PIGN: variants seen among roughly 807,000 people sequenced by gnomAD.
The protein encoded by PIGN is GPI ethanolamine phosphate transferase 1.
A neutral mutation model predicts 125.4 loss-of-function variants in PIGN; 117 were observed. The observed-to-expected ratio is 0.93, with a 90% CI of 0.80 to 1.09. PIGN has a LOEUF of 1.09. Ranked by LOEUF, PIGN falls within the 50% of genes least tolerant of loss-of-function variation. The pLI is 0.00. For synonymous variants in PIGN, 392 were observed against 377.8 expected, an observed-to-expected ratio of 1.04 and a Z score of -0.44; for missense variants, 1,075 against 1,094.9, an observed-to-expected ratio of 0.98 and a Z score of 0.26.
intron 20 of PIGN, among the ~76,000 whole-genome samples, chr18:62,103,258 T>A (rs1015016631): frequency 6.6e-6 from 1 of 152,170 alleles, no homozygotes; most frequent in African/African-American, 2.4e-5. Flanking sequence ...AAATTTACAA[T>A]ATAAAAGATA....
At chr18:62,184,129 A>G (rs1268066675) in intron 1 of PIGN, among the ~76,000 whole-genome samples, 1 of 152,200 alleles carries the variant, frequency 6.6e-6, no homozygotes, top group East Asian at 1.9e-4. Flanking sequence ...TTTACCACAC[A>G]CTGAAAAACA....
chr18:62,156,247 T>C (rs1294741024), intron 6 of PIGN, among the ~76,000 whole-genome samples: 1 of 152,224 alleles, frequency 6.6e-6, no homozygotes, highest in Non-Finnish European at 1.5e-5. Flanking sequence ...ATAAATTATA[T>C]GTTAAATGCC....
intron 14 of PIGN, among the ~76,000 whole-genome samples, chr18:62,134,141 T>C (rs1310336886): frequency 1.3e-5 from 2 of 151,942 alleles, no homozygotes; most frequent in Non-Finnish European, 2.9e-5. Context: ...ATGCCTGTAA[T>C]CCCAGCACTT....
At chr18:62,095,998 A>C (rs780534804) in intron 22 of PIGN, 48 bp from the exon 23 acceptor site, 16 of 1,302,886 alleles carry the variant, frequency 1.2e-5, no homozygotes, top group Middle Eastern at 3.7e-4. Flanking sequence ...AGACACAAAA[A>C]AAATGTTAGC....
In PIGN at chr18:62,167,286, ATGTGTGTGTGTGTGTG is replaced by A. The variant is rs61310777; in HGVS notation, c.-235-3646_-235-3631del. Among the ~76,000 whole-genome samples, 693 of 139,442 alleles carry A rather than the reference ATGTGTGTGTGTGTGTG, an allele frequency of 5.0e-3. 8 individuals carry two copies. Among genetic ancestry groups the A allele is most frequent in the African/African-American group, 0.017 (620 of 36,384 alleles). The allele number at this position is 139,442 out of a possible 152,430, so 91.5% of individuals were successfully genotyped here. ...TAGATAGAGATATATAGAGATATAT[ATGTGTGTGTGTGTGTG>A]TGTGTGTGTGTGTGTGTGTGTGTGT... On this transcript the variant is annotated intron_variant, in intron 1 of 30. Transcript: ENST00000640252.
intron 9 of PIGN, among the ~76,000 whole-genome samples, 185 bp from the exon 10 acceptor site, chr18:62,146,210 A>C (rs1377774410): frequency 6.6e-6 from 1 of 152,238 alleles, no homozygotes; most frequent in Non-Finnish European, 1.5e-5. Flanking sequence ...AGCAAGTTAG[A>C]GAAACAACAA....
At chr18:62,169,997 A>G (rs1241047894) in intron 1 of PIGN, among the ~76,000 whole-genome samples, 3 of 152,184 alleles carry the variant, frequency 2.0e-5, no homozygotes, top group African/African-American at 7.2e-5. Context: ...TCCCACCAGC[A>G]ATATATGAGA....
intron 8 of PIGN, among the ~76,000 whole-genome samples, chr18:62,147,403 C>T (rs1377828118): frequency 6.6e-6 from 1 of 152,176 alleles, no homozygotes; most frequent in African/African-American, 2.4e-5. Context: ...CTCACTCTTA[C>T]TACATAAACT....
intron 20 of PIGN, among the ~76,000 whole-genome samples, chr18:62,104,305 C>G (rs1278394344): frequency 6.6e-6 from 1 of 152,136 alleles, no homozygotes; most frequent in African/African-American, 2.4e-5. Flanking sequence ...CAATTTCCTT[C>G]CCTTTTAGCA....
At position 62,090,616 on chromosome 18, in the gene PIGN, A is replaced by G. The variant is rs189259151; in HGVS notation, c.2181-38T>C. ...GAAAGGTAGAAATGAAAAGAAAAAA[A>G]CAGTAAAATAAGTAAAAATGCAAAT... On this transcript the variant is annotated intron_variant, in intron 23 of 30. Transcript: ENST00000640252. The G allele has an allele frequency of 3.2e-4, 400 of 1,242,218 alleles. 1 individual carries two copies. The African/African-American group carries it at 5.1e-3, about 16-fold the overall frequency. 76.9% of individuals were successfully genotyped at this position (1,242,218 alleles called of 1,614,324 possible).
chr18:62,090,721 T>C (rs1436714414), intron 23 of PIGN, 143 bp from the exon 24 acceptor site: 6 of 545,344 alleles, frequency 1.1e-5, no homozygotes, highest in African/African-American at 9.7e-5. Flanking sequence ...AAGAAGAAAG[T>C]AGGAAAGTAA....
At chr18:62,031,352 A>G (rs2030190882) in intron 23 of PIGN, among the ~76,000 whole-genome samples, 1 of 152,212 alleles carries the variant, frequency 6.6e-6, no homozygotes, top group Admixed American at 6.5e-5. Context: ...GCAGCATGAG[A>G]ACAGACTAAT....
At chr18:62,089,025 T>C (rs1849516540) in intron 24 of PIGN, among the ~76,000 whole-genome samples, 183 bp from the exon 25 acceptor site, 1 of 152,120 alleles carries the variant, frequency 6.6e-6, no homozygotes, top group Non-Finnish European at 1.5e-5. Context: ...TAATAAAATG[T>C]GCCAAAAGGT....
rs1337126535 is a variant in PIGN at position 62,147,589 on chromosome 18, G to C, written c.675-488C>G. Among the ~76,000 whole-genome samples, 5 of 152,168 alleles carry C rather than the reference G, an allele frequency of 3.3e-5. No homozygotes were observed. In the South Asian group the frequency reaches 1.0e-3, roughly 31 times the overall value. ...TCCATCAATTACAGCAGTGCATCAC[G>C]TTTAAGAAGGGGATTGTGAGGTATT... On this transcript the variant is annotated intron_variant, in intron 8 of 30. Coordinates refer to ENST00000640252, the MANE Select transcript of PIGN (RefSeq NM_176787.5).
intron 23 of PIGN, among the ~76,000 whole-genome samples, chr18:62,027,627 A>G (rs1480866802): frequency 1.3e-5 from 2 of 152,226 alleles, no homozygotes; most frequent in African/African-American, 2.4e-5. Flanking sequence ...ATATGCATTT[A>G]TCTCAGTGAG....
chr18:62,092,737 T>A (rs1303400031), intron 23 of PIGN, among the ~76,000 whole-genome samples: 1 of 152,094 alleles, frequency 6.6e-6, no homozygotes, highest in African/African-American at 2.4e-5. Flanking sequence ...CATGATTTTA[T>A]CCCTTATTCC....
Position 62,110,545 on chromosome 18 carries a change from C to G in PIGN, c.1435-572G>C, listed in dbSNP as rs532226813. 2.0e-5 allele frequency among the ~76,000 whole-genome samples: 3 copies of G among 152,216 alleles called. No individual in the cohort carries two copies. In the East Asian group the frequency reaches 5.8e-4, roughly 29 times the overall value. On this transcript the variant is annotated intron_variant, in intron 16 of 30. Transcript: ENST00000640252. Reference sequence around the variant, plus strand: ...GTCTGCATGGTGTAAAGGTCAGGGACTTTAAGTACAGGAGATTATCCTAGA... The same window carrying G: ...GTCTGCATGGTGTAAAGGTCAGGGAGTTTAAGTACAGGAGATTATCCTAGA...
intron 1 of PIGN, chr18:62,174,189 G>A (rs2037439535): frequency 6.6e-6 from 1 of 151,236 alleles, no homozygotes; most frequent in Admixed American, 6.6e-5. Flanking sequence ...ACTCCAGCCT[G>A]GGCGACAAAG....
At position 62,113,198 on chromosome 18, in the gene PIGN, T is replaced by G. The variant is rs1401161818; in HGVS notation, c.1370A>C (p.Tyr457Ser). The change falls in exon 16 of 31, where the codon TAT becomes TCT. Residue 457 changes from tyrosine to serine, a missense_variant. By Grantham distance (144) the Tyr-to-Ser change is moderately radical. Transcript: ENST00000640252. ...VVIGFVGWIS[Y>S]ASLLIIKSHS... The stretch of plus-strand genomic sequence containing the variant: ...AGACTTGATGATCAACAAAGAGGCA[T>G]AAGATATCCATCCCACAAAACCAAT... 6.2e-7 allele frequency: 1 copy of G among 1,612,956 alleles called. No individual in the cohort carries two copies. Among genetic ancestry groups the G allele is most frequent in the Admixed American group, 1.7e-5 (1 of 59,948 alleles).
Sources: gnomAD v4.1 joint callset for allele counts (sites outside exome capture counted in the v4.1 genomes callset) on GRCh38, gnomAD v4.1.1 for gene constraint, MANE v1.5 for transcripts, NCBI Gene and HGNC (gene_info 2026-07-23, HGNC 2026-07-21) for gene names.